RRM1: variants seen among roughly 807,000 people sequenced by gnomAD.
RRM1 encodes the protein ribonucleotide reductase catalytic subunit M1.
In RRM1, 19 loss-of-function variants were observed where a neutral mutation model predicts 101.5. The observed-to-expected ratio is 0.19, with a 90% CI of 0.13 to 0.27. The LOEUF (loss-of-function observed/expected upper bound fraction) is 0.27, where lower values mean the gene tolerates loss of function less well. RRM1 is among the 10% of genes least tolerant of loss of function. The pLI, the probability that RRM1 is intolerant of heterozygous loss-of-function variation, is 1.00. For synonymous variants in RRM1, 298 were observed against 323.4 expected (o/e 0.92, Z 0.84); for missense variants, 500 against 962.9 (o/e 0.52, Z 6.36).
chr11:4,114,363 C>G lies in RRM1; in HGVS notation c.650+2301C>G, dbSNP rs540683393. ...GGTCAGGAGTTCAAGACCAACAGGG[C>G]CAACATGGTGAAACCCTGTCTCTAC... On this transcript the variant is annotated intron_variant, in intron 7 of 18. Transcript: ENST00000300738. Among the ~76,000 whole-genome samples, 146 of 151,056 alleles carry G rather than the reference C, an allele frequency of 9.7e-4. 1 individual carries two copies. Among genetic ancestry groups the G allele is most frequent in the African/African-American group, 3.5e-3 (144 of 41,118 alleles).
chr11:4,107,753 GTACA>G (rs1255976081), intron 4 of RRM1, among the ~76,000 whole-genome samples: 18 of 152,184 alleles, frequency 1.2e-4, no homozygotes, highest in African/African-American at 4.3e-4. Context: ...GTGTATGTGT[GTACA>G]TACATATTTT....
At chr11:4,116,734 G>A (rs1590721672) in intron 7 of RRM1, among the ~76,000 whole-genome samples, 2 of 151,950 alleles carry the variant, frequency 1.3e-5, no homozygotes, top group East Asian at 3.9e-4. Flanking sequence ...ACTCTGGGAG[G>A]CCAAAGCAAA....
intron 3 of RRM1, among the ~76,000 whole-genome samples, chr11:4,107,158 C>G (rs2094559429): frequency 6.6e-6 from 1 of 152,302 alleles, no homozygotes; most frequent in Non-Finnish European, 1.5e-5. Flanking sequence ...TCCCAAAGTC[C>G]TGGGATTACA....
rs549134016 is a variant in RRM1 at position 4,125,986 on chromosome 11, G to C, written c.1321-698G>C. On this transcript the variant is annotated intron_variant, in intron 12 of 18. Coordinates refer to ENST00000300738, the MANE Select transcript of RRM1 (RefSeq NM_001033.5). ...AGTCATAATCAAAATGGAAAAGAAA[G>C]TGTATTCATTCAACATTATCAAGAC... Among the ~76,000 whole-genome samples, 4 of 152,378 alleles carry C rather than the reference G, an allele frequency of 2.6e-5. No homozygotes were observed. In the South Asian group the frequency reaches 6.2e-4, roughly 24 times the overall value.
intron 1 of RRM1, among the ~76,000 whole-genome samples, chr11:4,098,398 C>T (rs1172613104): frequency 7.0e-6 from 1 of 142,704 alleles, no homozygotes; most frequent in African/African-American, 2.6e-5. Flanking sequence ...TCCCTCTCCC[C>T]CTCCCTCCGT....
At chr11:4,108,995 T>C (rs2094561965) in intron 4 of RRM1, among the ~76,000 whole-genome samples, 2 of 152,172 alleles carry the variant, frequency 1.3e-5, no homozygotes, top group Non-Finnish European at 2.9e-5. Context: ...TTGTACGTTA[T>C]TGCTTTTATT....
intron 9 of RRM1, 34 bp downstream of exon 9, chr11:4,119,962 G>T (rs1433369893): frequency 7.9e-7 from 1 of 1,269,960 alleles, no homozygotes; most frequent in South Asian, 1.2e-5. Context: ...CTGGAAATCA[G>T]AACTAAAGGT....
intron 2 of RRM1, among the ~76,000 whole-genome samples, chr11:4,104,437 C>G (rs1362201923): frequency 6.6e-6 from 1 of 152,118 alleles, no homozygotes; most frequent in African/African-American, 2.4e-5. Context: ...CTTAAAGATT[C>G]AATAAATAAA....
At chr11:4,131,624 T>C (rs183736723) in intron 15 of RRM1, among the ~76,000 whole-genome samples, 1 of 152,236 alleles carries the variant, frequency 6.6e-6, no homozygotes, top group Non-Finnish European at 1.5e-5. Context: ...TGCTATCAAT[T>C]AGGCTGAGCT....
chr11:4,137,455 C>T (rs1440328388), intron 18 of RRM1, among the ~76,000 whole-genome samples: 1 of 143,868 alleles, frequency 7.0e-6, no homozygotes, highest in Non-Finnish European at 1.5e-5. Context: ...GGCTCACACC[C>T]CCACCTCCCT....
At position 4,120,407 on chromosome 11, in the gene RRM1, A is replaced by C. The variant is rs185518960; in HGVS notation, c.876+479A>C. On this transcript the variant is annotated intron_variant, in intron 9 of 18. Coordinates refer to ENST00000300738, the MANE Select transcript of RRM1 (RefSeq NM_001033.5). ...TTTTTTTATCTCTCTCTTATCACCC[A>C]GGCTGGAGTGCAATGGTGCGATCTT... Among the ~76,000 whole-genome samples the C allele has an allele frequency of 4.5e-4, 69 of 151,796 alleles. No individual in the cohort carries two copies. The East Asian group carries it at 0.013, about 28-fold the overall frequency.
chr11:4,105,721 TTTA>T (rs760334431), intron 2 of RRM1: 3 of 379,906 alleles, frequency 7.9e-6, no homozygotes, highest in Non-Finnish European at 1.5e-5. Context: ...GCTAATTTTT[TTTA>T]TTATCTGTGG....
At position 4,135,231 on chromosome 11, in the gene RRM1, T is replaced by C. The variant is rs2094607309; in HGVS notation, c.2151T>C (p.Tyr717=). ...SLNIHIAEPN[Y]GKLTSMHFYG... ...ACATCCACATTGCTGAGCCTAACTATGGCAAACTCACTAGTATGCACTTCT... is the reference window on the plus strand; with the variant it reads ...ACATCCACATTGCTGAGCCTAACTACGGCAAACTCACTAGTATGCACTTCT... The change falls in exon 18 of 19, where the codon TAT becomes TAC. Residue 717 remains tyrosine, a synonymous_variant. Transcript: ENST00000300738. 2 of 1,612,932 alleles carry C rather than the reference T, an allele frequency of 1.2e-6. No individual in the cohort carries two copies. Among genetic ancestry groups the C allele is most frequent in the African/African-American group, 2.7e-5 (2 of 74,926 alleles).
chr11:4,104,451 C>T (rs1359126367), intron 2 of RRM1, among the ~76,000 whole-genome samples: 1 of 152,190 alleles, frequency 6.6e-6, no homozygotes, highest in African/African-American at 2.4e-5. Context: ...AAATAAACCA[C>T]TCACAACTTA....
intron 3 of RRM1, 143 bp downstream of exon 3, chr11:4,106,366 A>C (rs2094558288): frequency 5.8e-6 from 4 of 692,094 alleles, no homozygotes; most frequent in African/African-American, 1.8e-5. Context: ...TGGGAGGCCA[A>C]GGCAGGCAAA....
At chr11:4,103,781 A>AT (rs36062278) in intron 2 of RRM1, among the ~76,000 whole-genome samples, 39,813 of 115,174 alleles carry the variant, frequency 0.35, 7,341 homozygotes, top group South Asian at 0.45. Flanking sequence ...CCACCACGCT[A>AT]TTTTTTTTTT....
chr11:4,132,470 T>C lies in RRM1; in HGVS notation c.1905+49T>C, dbSNP rs774655085. ...ACAGGGAGATCTTTCAAAAGCCTGA[T>C]GTTGGGAGTAAATGCTCACTCATGT... On this transcript the variant is annotated intron_variant, in intron 16 of 18. Coordinates refer to ENST00000300738, the MANE Select transcript of RRM1 (RefSeq NM_001033.5). This position sits in a 1 kb window ranked among gnomAD's most constrained non-coding sequence, Gnocchi z 4.1. 17 of 1,603,212 alleles carry C rather than the reference T, an allele frequency of 1.1e-5. No individual in the cohort carries two copies. Among genetic ancestry groups the C allele is most frequent in the Non-Finnish European group, 1.4e-5 (17 of 1,172,936 alleles).
chr11:4,109,215 A>AAT (rs957770620), intron 4 of RRM1, among the ~76,000 whole-genome samples: 37 of 150,668 alleles, frequency 2.5e-4, no homozygotes, highest in Non-Finnish European at 3.1e-4. Context: ...TTTTAAAATA[A>AAT]ATATATATAT....
intron 11 of RRM1, 51 bp from the exon 12 acceptor site, chr11:4,123,132 T>C (rs2094584242): frequency 7.1e-7 from 1 of 1,398,790 alleles, no homozygotes. Flanking sequence ...TTGTCTACAA[T>C]AAAGTTTTTT....
Sources: allele counts gnomAD v4.1 joint callset (sites outside exome capture counted in the v4.1 genomes callset), GRCh38; gene constraint gnomAD v4.1.1; non-coding constraint Gnocchi (gnomAD v3.1); transcripts MANE v1.5; gene names NCBI Gene and HGNC (gene_info 2026-07-23, HGNC 2026-07-21).